Variants in ATOX1 observed in about 807,000 individuals in gnomAD.
The protein encoded by ATOX1 is copper transport protein ATOX1.
A neutral mutation model predicts 7.3 loss-of-function variants in ATOX1; 4 were observed. That is an observed-to-expected ratio of 0.55 (90% CI 0.27 to 1.25). The LOEUF is 1.25. Ranked by LOEUF, ATOX1 falls within the 50% of genes most tolerant of loss-of-function variation. The pLI, the probability that ATOX1 is intolerant of heterozygous loss-of-function variation, is 0.12. For missense variants in ATOX1, 68 were observed against 81.6 expected (o/e 0.83, Z 0.64); for synonymous variants, 25 against 28.7 (o/e 0.87, Z 0.41).
chr5:151,747,999 T>A (rs1273206601), intron 2 of ATOX1, among the ~76,000 whole-genome samples: 1 of 152,246 alleles, frequency 6.6e-6, no homozygotes, highest in African/African-American at 2.4e-5. Context: ...TTCACCACTA[T>A]CACAATGTTA....
chr5:151,748,716 G>C (rs1326896282), intron 2 of ATOX1, among the ~76,000 whole-genome samples: 1 of 152,002 alleles, frequency 6.6e-6, no homozygotes, highest in African/African-American at 2.4e-5. Flanking sequence ...ACAAAAATTA[G>C]CTCAGTGTGT....
chr5:151,746,095 G>C, intron 3 of ATOX1, 184 bp downstream of exon 3: 1 of 479,192 alleles, frequency 2.1e-6, no homozygotes, highest in Non-Finnish European at 3.7e-6. Flanking sequence ...AGAATTCCCT[G>C]AACTTGTGAT....
At chr5:151,756,228 C>G (rs567970929) in intron 1 of ATOX1, among the ~76,000 whole-genome samples, 1 of 151,956 alleles carries the variant, frequency 6.6e-6, no homozygotes, top group Non-Finnish European at 1.5e-5. Flanking sequence ...AGGCATTACC[C>G]GCCGCACCTG....
intron 2 of ATOX1, among the ~76,000 whole-genome samples, chr5:151,750,138 T>A (rs1401838213): frequency 6.6e-6 from 1 of 152,218 alleles, no homozygotes; most frequent in African/African-American, 2.4e-5. Context: ...AAAACTCTGA[T>A]CACAACTCAG....
intron 1 of ATOX1, among the ~76,000 whole-genome samples, chr5:151,758,062 G>C (rs1365031246): frequency 6.6e-6 from 1 of 152,192 alleles, no homozygotes; most frequent in Non-Finnish European, 1.5e-5. Flanking sequence ...GGCCAGAGTG[G>C]GCAGGGAAAT....
chr5:151,748,380 G>C (rs1761903867), intron 2 of ATOX1, among the ~76,000 whole-genome samples: 1 of 152,080 alleles, frequency 6.6e-6, no homozygotes, highest in South Asian at 2.1e-4. Context: ...AGCTCCTGTG[G>C]CCTTTCCAGC....
At chr5:151,750,509 CAAAAAAA>C (rs5872228) in intron 2 of ATOX1, among the ~76,000 whole-genome samples, 1 of 102,078 alleles carries the variant, frequency 9.8e-6, no homozygotes, top group South Asian at 3.5e-4. Flanking sequence ...GACTTCATCT[CAAAAAAA>C]AAAAAAAAAA....
chr5:151,749,416 T>C (rs1008609107), intron 2 of ATOX1, among the ~76,000 whole-genome samples: 1 of 136,794 alleles, frequency 7.3e-6, no homozygotes, highest in African/African-American at 2.8e-5. Context: ...ACCTGGGAGG[T>C]GGAGGTTGCG....
At chr5:151,745,530 G>A (rs964535953) in intron 3 of ATOX1, 1 of 152,258 alleles carries the variant, frequency 6.6e-6, no homozygotes, top group Non-Finnish European at 1.5e-5. Flanking sequence ...GTTCCAGAGC[G>A]AAGAGTGCTG....
At chr5:151,756,167 G>T (rs1353219168) in intron 1 of ATOX1, among the ~76,000 whole-genome samples, 1 of 151,872 alleles carries the variant, frequency 6.6e-6, no homozygotes, top group East Asian at 1.9e-4. Flanking sequence ...TGGTCTCAAA[G>T]TCCTGACTTT....
At chr5:151,746,236 G>T in intron 3 of ATOX1, 43 bp downstream of exon 3, 1 of 1,549,782 alleles carries the variant, frequency 6.5e-7, no homozygotes, top group Non-Finnish European at 8.7e-7. Context: ...GATGAGAGGT[G>T]TGAGCTGTAG....
At chr5:151,756,759 C>A (rs1581559997) in intron 1 of ATOX1, among the ~76,000 whole-genome samples, 1 of 152,238 alleles carries the variant, frequency 6.6e-6, no homozygotes, top group East Asian at 1.9e-4. Flanking sequence ...CAGGCGTGAG[C>A]CACCATGCCC....
chr5:151,751,985 A>G (rs1016027081), intron 1 of ATOX1: 1 of 602,480 alleles, frequency 1.7e-6, no homozygotes, highest in Non-Finnish European at 3.0e-6. Flanking sequence ...AGTTGTATTC[A>G]ATGGAATCAT....
chr5:151,752,147 G>A (rs1561522366), intron 1 of ATOX1: 3 of 639,248 alleles, frequency 4.7e-6, no homozygotes, highest in Non-Finnish European at 8.5e-6. Flanking sequence ...GACAGGGATG[G>A]GCCCCCATAC....
At chr5:151,750,621 T>G (rs1244458892) in intron 2 of ATOX1, among the ~76,000 whole-genome samples, 2 of 151,294 alleles carry the variant, frequency 1.3e-5, no homozygotes, top group Admixed American at 6.6e-5. Flanking sequence ...TTACCTTTTT[T>G]TAAATCTTTC....
chr5:151,749,921 T>G (rs1316622361), intron 2 of ATOX1, among the ~76,000 whole-genome samples: 1 of 152,206 alleles, frequency 6.6e-6, no homozygotes, highest in Non-Finnish European at 1.5e-5. Context: ...TCCTGGACAC[T>G]GGCATCGACA....
At chr5:151,752,194 C>G in intron 1 of ATOX1, 1 of 700,374 alleles carries the variant, frequency 1.4e-6, no homozygotes. Flanking sequence ...CACTTATGAA[C>G]CACAAAATTA....
rs28917191 is a variant in ATOX1 at position 151,753,207 on chromosome 5, A to G, written c.7-1428T>C. Among the ~76,000 whole-genome samples the G allele has an allele frequency of 1.0e-2, 1,521 of 152,314 alleles. 30 individuals are homozygous for G. Among genetic ancestry groups the G allele is most frequent in the African/African-American group, 0.035 (1,461 of 41,568 alleles). ...TCTCCAGCTCCAGTCAAGCCTTCAG[A>G]TGAATGCAGCTCCAGCCAACATCTC... On this transcript the variant is annotated intron_variant, in intron 1 of 3. Coordinates refer to ENST00000313115, the MANE Select transcript of ATOX1 (RefSeq NM_004045.4).
intron 2 of ATOX1, among the ~76,000 whole-genome samples, chr5:151,749,406 A>C (rs1761915959): frequency 6.6e-6 from 1 of 151,690 alleles, no homozygotes; most frequent in Non-Finnish European, 1.5e-5. Context: ...AATCGCTTGA[A>C]CCTGGGAGGT....
Sources: gnomAD v4.1 joint callset for allele counts (sites outside exome capture counted in the v4.1 genomes callset) on GRCh38, gnomAD v4.1.1 for gene constraint, MANE v1.5 for transcripts, NCBI Gene and HGNC (gene_info 2026-07-23, HGNC 2026-07-21) for gene names.